MYO3A: variants seen among roughly 807,000 people sequenced by gnomAD.
MYO3A encodes myosin IIIA, also known as myosin-IIIa.
Under a neutral mutation model 192.7 loss-of-function variants are expected in MYO3A, and 180 were observed. The ratio of observed to expected loss-of-function variants is 0.93; its 90% confidence interval spans 0.83 to 1.06. The LOEUF (loss-of-function observed/expected upper bound fraction) is 1.06. Among genes scored for constraint, MYO3A ranks in the 50% least tolerant of loss-of-function variants. MYO3A has a pLI of 0.00. For missense variants in MYO3A, 1,896 were observed against 1,905.0 expected, an observed-to-expected ratio of 1.00 and a Z score of 0.09; for synonymous variants, 628 against 645.3, an observed-to-expected ratio of 0.97 and a Z score of 0.41.
At chr10:26,101,387 C>A (rs193173344) in intron 17 of MYO3A, among the ~76,000 whole-genome samples, 5 of 152,256 alleles carry the variant, frequency 3.3e-5, no homozygotes, top group Non-Finnish European at 5.9e-5. Context: ...GAGCATTTAG[C>A]CCATTTACAT....
intron 17 of MYO3A, among the ~76,000 whole-genome samples, chr10:26,110,863 T>G (rs1564559663): frequency 1.3e-5 from 2 of 149,940 alleles, no homozygotes; most frequent in Non-Finnish European, 3.0e-5. Context: ...TTTTGGGTTT[T>G]CTTTTCTTTT....
At chr10:26,061,381 T>C (rs1834469115) in intron 10 of MYO3A, among the ~76,000 whole-genome samples, 1 of 152,232 alleles carries the variant, frequency 6.6e-6, no homozygotes, top group African/African-American at 2.4e-5. Context: ...GTATTCTCTC[T>C]GGAAAGACCT....
chr10:26,141,027 A>T (rs2131832543), intron 20 of MYO3A, among the ~76,000 whole-genome samples: 1 of 152,240 alleles, frequency 6.6e-6, no homozygotes, highest in South Asian at 2.1e-4. Flanking sequence ...TCCCAGGTTC[A>T]CGCCATTCTC....
intron 19 of MYO3A, among the ~76,000 whole-genome samples, chr10:26,126,022 A>C (rs1318312274): frequency 1.3e-5 from 2 of 152,136 alleles, no homozygotes; most frequent in African/African-American, 4.8e-5. Context: ...GGAAAACTTT[A>C]TTTTCATATT....
At chr10:26,118,505 A>G (rs902321048) in intron 17 of MYO3A, among the ~76,000 whole-genome samples, 1 of 152,104 alleles carries the variant, frequency 6.6e-6, no homozygotes, top group African/African-American at 2.4e-5. Flanking sequence ...GAGTTTTTCC[A>G]TCTTGCCCCA....
At chr10:26,125,034 G>A (rs557226962) in intron 18 of MYO3A, among the ~76,000 whole-genome samples, 2 of 152,062 alleles carry the variant, frequency 1.3e-5, no homozygotes, top group South Asian at 4.2e-4. Context: ...ATATAATAAT[G>A]GTATCCAAAT....
At chr10:25,991,996 G>A (rs1306853971) in intron 4 of MYO3A, among the ~76,000 whole-genome samples, 1 of 152,152 alleles carries the variant, frequency 6.6e-6, no homozygotes, top group Admixed American at 6.5e-5. Context: ...TGGCAATGTG[G>A]GCTCTTTTTT....
Position 25,996,917 on chromosome 10 carries a change from T to C in MYO3A, c.409-242T>C, listed in dbSNP as rs114693840. 4.2e-3 allele frequency among the ~76,000 whole-genome samples: 647 copies of C among 152,296 alleles called. 14 individuals carry two copies. Among genetic ancestry groups the C allele is most frequent in the African/African-American group, 0.014 (598 of 41,568 alleles). On this transcript the variant is annotated intron_variant, in intron 5 of 34. Coordinates refer to ENST00000642920, the MANE Select transcript of MYO3A (RefSeq NM_017433.5). ...ATGAAATATTTTCTTCCATTGAAACTCACACATTTGTAATACGATATTTGC... is the reference window on the plus strand; with the variant it reads ...ATGAAATATTTTCTTCCATTGAAACCCACACATTTGTAATACGATATTTGC...
chr10:25,980,398 C>CACCT (rs1839255899), intron 4 of MYO3A, among the ~76,000 whole-genome samples: 1 of 152,168 alleles, frequency 6.6e-6, no homozygotes, highest in Non-Finnish European at 1.5e-5. Flanking sequence ...TGCACTTGAG[C>CACCT]ACCTACTCAG....
chr10:26,174,792 C>T (rs1306081883), intron 30 of MYO3A, among the ~76,000 whole-genome samples: 1 of 151,956 alleles, frequency 6.6e-6, no homozygotes, highest in Non-Finnish European at 1.5e-5. Flanking sequence ...AGTCGTGATA[C>T]TAGAGATTGG....
chr10:26,019,250 TATTTATTTATTTATTTA>T (rs1842157581), intron 7 of MYO3A, among the ~76,000 whole-genome samples: 2 of 128,482 alleles, frequency 1.6e-5, no homozygotes, highest in African/African-American at 5.3e-5. Flanking sequence ...TTTATTTATT[TATTTATTTATTTATTTA>T]TTTTTTCCTG....
At chr10:26,127,584 T>A (rs2131743252) in intron 19 of MYO3A, among the ~76,000 whole-genome samples, 1 of 152,292 alleles carries the variant, frequency 6.6e-6, no homozygotes, top group East Asian at 1.9e-4. Flanking sequence ...CAGTGTGCAG[T>A]TGCTGACTGT....
chr10:26,109,178 C>T (rs1055453214), intron 17 of MYO3A, among the ~76,000 whole-genome samples: 19 of 152,048 alleles, frequency 1.2e-4, no homozygotes, highest in Non-Finnish European at 1.2e-4. Context: ...GACAAGTTGC[C>T]CACTCTAACT....
intron 17 of MYO3A, among the ~76,000 whole-genome samples, chr10:26,108,071 T>C (rs962306919): frequency 6.6e-6 from 1 of 152,214 alleles, no homozygotes; most frequent in African/African-American, 2.4e-5. Context: ...TTGTATTTTT[T>C]AATTTTTGTA....
intron 31 of MYO3A, among the ~76,000 whole-genome samples, chr10:26,189,922 G>A (rs1425477342): frequency 1.3e-5 from 2 of 152,042 alleles, no homozygotes; most frequent in African/African-American, 2.4e-5. Flanking sequence ...AATTATCTGG[G>A]CGCAGTGGCA....
chr10:25,951,471 C>T (rs1837205018), intron 2 of MYO3A, among the ~76,000 whole-genome samples: 1 of 151,990 alleles, frequency 6.6e-6, no homozygotes. Flanking sequence ...AAGCCACAGG[C>T]AGAGGGGGTC....
intron 2 of MYO3A, among the ~76,000 whole-genome samples, chr10:25,941,852 A>G (rs1200422341): frequency 1.3e-5 from 2 of 152,184 alleles, no homozygotes; most frequent in Non-Finnish European, 2.9e-5. Context: ...GTGGAATCAT[A>G]TAATGTTTCC....
intron 20 of MYO3A, among the ~76,000 whole-genome samples, chr10:26,139,302 A>G (rs1239761124): frequency 1.3e-5 from 2 of 151,728 alleles, no homozygotes; most frequent in African/African-American, 2.4e-5. Flanking sequence ...AATGAATGGC[A>G]TGATCTCGGC....
Position 25,997,179 on chromosome 10 carries a change from C to G in MYO3A, c.429C>G (p.Asn143Lys), listed in dbSNP as rs1384697219. The G allele has an allele frequency of 6.2e-7, 1 of 1,613,132 alleles. No homozygotes were observed. The highest frequency in any genetic ancestry group is 8.5e-7 in the Non-Finnish European group (1 of 1,179,332). Residue 143 changes from asparagine (N) to lysine (K), a missense_variant, in exon 6 of 35, where the codon AAC (asparagine) becomes AAG (lysine). Transcript: ENST00000642920. Reference protein sequence around the residue: ...EALMGLQHLHNNKTIHRDVKG... With the variant: ...EALMGLQHLHKNKTIHRDVKG... ...TCTAGGGACTTCAACATTTGCATAA[C>G]AACAAAACTATCCACAGAGATGTGA...
Sources: allele counts gnomAD v4.1 joint callset (sites outside exome capture counted in the v4.1 genomes callset), GRCh38; gene constraint gnomAD v4.1.1; transcripts MANE v1.5; gene names NCBI Gene and HGNC (gene_info 2026-07-23, HGNC 2026-07-21).